SUGCT: variants seen among roughly 807,000 people sequenced by gnomAD.
SUGCT encodes the protein succinyl-CoA:glutarate-CoA transferase, also known as succinyl-CoA:glutarate CoA-transferase.
Under a neutral mutation model 55.0 loss-of-function variants are expected in SUGCT, and 41 were observed. That is an observed-to-expected ratio of 0.74 (90% CI 0.58 to 0.97). The LOEUF (loss-of-function observed/expected upper bound fraction) is 0.97, where lower values mean the gene tolerates loss of function less well. Among genes scored for constraint, SUGCT ranks in the 50% least tolerant of loss-of-function variants. SUGCT has a pLI of 0.00. For missense variants in SUGCT, 568 were observed against 547.8 expected (o/e 1.04, Z -0.37); for synonymous variants, 187 against 200.4 (o/e 0.93, Z 0.56).
At chr7:40,889,260 G>A in the SUGCT span, among the ~76,000 whole-genome samples, 1 of 152,278 alleles carries the variant, frequency 6.6e-6, no homozygotes, top group East Asian at 1.9e-4. Flanking sequence ...CGGGGGATCA[G>A]TCTGTGGCTT....
At chr7:40,546,048 A>C (rs2151629688) in intron 12 of SUGCT, among the ~76,000 whole-genome samples, 1 of 152,324 alleles carries the variant, frequency 6.6e-6, no homozygotes, top group Non-Finnish European at 1.5e-5. Context: ...CAAGCCCAGC[A>C]CTCAAATGTC....
intron 10 of SUGCT, among the ~76,000 whole-genome samples, chr7:40,453,200 A>T (rs1303854078): frequency 2.0e-5 from 3 of 152,182 alleles, no homozygotes; most frequent in Non-Finnish European, 4.4e-5. Flanking sequence ...TGGAAACAGC[A>T]GATGAGCAGG....
intron 7 of SUGCT, among the ~76,000 whole-genome samples, chr7:40,249,323 A>ATATATC (rs1562612040): frequency 2.9e-4 from 27 of 91,790 alleles, no homozygotes; most frequent in Non-Finnish European, 6.7e-4. Flanking sequence ...CTATATATAT[A>ATATATC]TATATATATA....
intron 12 of SUGCT, among the ~76,000 whole-genome samples, chr7:40,674,161 A>C (rs1300670119): frequency 6.6e-6 from 1 of 152,254 alleles, no homozygotes; most frequent in African/African-American, 2.4e-5. Flanking sequence ...TAAAGTACCA[A>C]GTACTATTTC....
chr7:40,807,422 G>A (rs144990388), intron 13 of SUGCT, among the ~76,000 whole-genome samples: 107 of 152,240 alleles, frequency 7.0e-4, no homozygotes, highest in African/African-American at 2.5e-3. Context: ...GTAGAGAAGA[G>A]GTTTCCACAG....
At chr7:40,241,919 CAAAA>C (rs34968969) in intron 7 of SUGCT, among the ~76,000 whole-genome samples, 1 of 130,882 alleles carries the variant, frequency 7.6e-6, no homozygotes, top group Non-Finnish European at 1.6e-5. Context: ...ACTCTGTCTC[CAAAA>C]AAAAAAAAAA....
chr7:40,235,483 C>A (rs113090555), intron 6 of SUGCT, among the ~76,000 whole-genome samples: 1 of 152,220 alleles, frequency 6.6e-6, no homozygotes, highest in African/African-American at 2.4e-5. Context: ...TGCACCACCA[C>A]GCCTGGCTAA....
At chr7:40,799,358 C>G (rs13237870) in intron 13 of SUGCT, among the ~76,000 whole-genome samples, 46,594 of 152,016 alleles carry the variant, frequency 0.31, 7,686 homozygotes, top group South Asian at 0.43. Context: ...ATAGCATACT[C>G]CTTTTGAAAG....
At chr7:40,396,298 G>GT (rs1339120714) in intron 9 of SUGCT, among the ~76,000 whole-genome samples, 1 of 152,076 alleles carries the variant, frequency 6.6e-6, no homozygotes, top group Non-Finnish European at 1.5e-5. Flanking sequence ...TGCAGATAAT[G>GT]TTTTTATACC....
chr7:40,700,460 G>GT (rs1250386993), intron 12 of SUGCT, among the ~76,000 whole-genome samples: 9 of 152,142 alleles, frequency 5.9e-5, no homozygotes, highest in Admixed American at 5.9e-4. Flanking sequence ...ATATACTCTT[G>GT]TTTGAGTGAC....
intron 9 of SUGCT, among the ~76,000 whole-genome samples, chr7:40,361,785 A>T (rs1187787319): frequency 1.3e-5 from 2 of 152,066 alleles, no homozygotes. Flanking sequence ...TAGCAATTGA[A>T]GTGATTGAGT....
At chr7:40,250,181 T>C (rs939420469) in intron 7 of SUGCT, among the ~76,000 whole-genome samples, 3 of 151,530 alleles carry the variant, frequency 2.0e-5, no homozygotes, top group African/African-American at 7.3e-5. Flanking sequence ...GAGGATTGCT[T>C]CAGCTCAGGA....
At chr7:40,472,668 TA>T (rs1350008228) in intron 11 of SUGCT, among the ~76,000 whole-genome samples, 3 of 152,024 alleles carry the variant, frequency 2.0e-5, no homozygotes, top group African/African-American at 7.2e-5. Context: ...ATAATAATAA[TA>T]ATAAAAACTT....
At chr7:40,154,475 C>T (rs565223260) in intron 1 of SUGCT, among the ~76,000 whole-genome samples, 2 of 152,116 alleles carry the variant, frequency 1.3e-5, no homozygotes, top group South Asian at 2.1e-4. Flanking sequence ...GGGTGTAGAA[C>T]GTTTTATTTT....
intron 9 of SUGCT, among the ~76,000 whole-genome samples, chr7:40,421,948 C>G (rs1426850846): frequency 1.3e-5 from 2 of 152,142 alleles, no homozygotes; most frequent in African/African-American, 4.8e-5. Flanking sequence ...CAACTCTTTC[C>G]CTTAGGTGTT....
rs113949199 is a variant in SUGCT at position 40,156,863 on chromosome 7, G to A, written c.100+21743G>A. 2.7e-3 allele frequency among the ~76,000 whole-genome samples: 405 copies of A among 151,954 alleles called. 1 individual carries two copies. Among genetic ancestry groups the A allele is most frequent in the African/African-American group, 9.1e-3 (377 of 41,434 alleles). ...AACCCCCGTCTCTACTAAAAATACA[G>A]AAATTAGCCGGGCGTGTTGGCACAC... On this transcript the variant is annotated intron_variant, in intron 1 of 13. Coordinates refer to ENST00000335693, the MANE Select transcript of SUGCT (RefSeq NM_001193313.2).
chr7:40,746,599 A>C (rs1787745213), intron 12 of SUGCT, among the ~76,000 whole-genome samples: 1 of 152,244 alleles, frequency 6.6e-6, no homozygotes, highest in Non-Finnish European at 1.5e-5. Flanking sequence ...ATAAGGTTAA[A>C]GTGTCATACT....
intron 12 of SUGCT, among the ~76,000 whole-genome samples, chr7:40,559,303 A>G (rs1401111200): frequency 1.3e-5 from 2 of 152,236 alleles, no homozygotes; most frequent in Admixed American, 6.5e-5. Context: ...ACAAACTCCA[A>G]TTTAGCTTTG....
chr7:40,237,488 T>C, intron 6 of SUGCT, 147 bp from the exon 7 acceptor site: 1 of 643,776 alleles, frequency 1.6e-6, no homozygotes, highest in Admixed American at 2.5e-5. Context: ...AATGAATTCT[T>C]ACTGCCTTCT....
Sources: gnomAD v4.1 joint callset for allele counts (sites outside exome capture counted in the v4.1 genomes callset) on GRCh38, gnomAD v4.1.1 for gene constraint, MANE v1.5 for transcripts, NCBI Gene and HGNC (gene_info 2026-07-23, HGNC 2026-07-21) for gene names.